The following NADSYN1 variants were observed in gnomAD, a reference collection of about 807,000 sequenced individuals.
NADSYN1 encodes the protein NAD synthetase 1.
NADSYN1 carries 80 observed loss-of-function variants against 99.3 expected under a neutral mutation model. That is an observed-to-expected ratio of 0.81 (90% CI 0.67 to 0.97). NADSYN1 has a LOEUF of 0.97. NADSYN1 is among the 50% of genes least tolerant of loss of function. The pLI, the probability that NADSYN1 is intolerant of heterozygous loss-of-function variation, is 0.00. For synonymous variants in NADSYN1, 385 were observed against 372.1 expected (o/e 1.03, Z -0.40); for missense variants, 859 against 948.5 (o/e 0.91, Z 1.24).
Position 71,475,619 on chromosome 11 carries a change from C to T in NADSYN1, c.798+1093C>T, listed in dbSNP as rs145115284. ...GCGCATTAGCACAGGGCAAGGCTTC[C>T]CAGGTAATCGTTATCGCCATGGAGG... is the stretch of plus-strand genomic sequence containing the variant. On this transcript the variant is annotated intron_variant, in intron 9 of 20. Coordinates refer to ENST00000319023, the MANE Select transcript of NADSYN1 (RefSeq NM_018161.5). 3.6e-3 allele frequency: 686 copies of T among 190,168 alleles called. 5 individuals carry two copies. The highest frequency in any genetic ancestry group is 6.0e-3 in the Non-Finnish European group (547 of 91,916). 11.8% of individuals were successfully genotyped at this position (190,168 alleles called of 1,614,324 possible).
intron 6 of NADSYN1, 58 bp from the exon 7 acceptor site, chr11:71,473,220 C>G (rs1453501168): frequency 2.0e-6 from 3 of 1,521,832 alleles, no homozygotes; most frequent in Non-Finnish European, 2.7e-6. Context: ...CTAGGTAGTG[C>G]GTGGCCCAGA....
intron 15 of NADSYN1, chr11:71,485,296 C>G (rs537628068): frequency 3.0e-5 from 10 of 338,752 alleles, no homozygotes; most frequent in Admixed American, 1.4e-4. Flanking sequence ...CTCTGCCCTC[C>G]CGGGCTCTGG....
At chr11:71,496,166 G>A (rs144734618) in intron 18 of NADSYN1, among the ~76,000 whole-genome samples, 51 of 152,240 alleles carry the variant, frequency 3.3e-4, no homozygotes, top group African/African-American at 1.1e-3. Context: ...TGTCACTAAT[G>A]ACCCAGTGGC....
chr11:71,475,507 C>T (rs140327193), intron 9 of NADSYN1: 1 of 153,514 alleles, frequency 6.5e-6, no homozygotes, highest in East Asian at 1.9e-4. Context: ...ACTGAGCTGC[C>T]GCTTGGAATG....
intron 2 of NADSYN1, among the ~76,000 whole-genome samples, chr11:71,456,316 G>C (rs1949514292): frequency 6.6e-6 from 1 of 152,184 alleles, no homozygotes; most frequent in South Asian, 2.1e-4. Flanking sequence ...TCTTTAATTT[G>C]TCTTCATTTG....
intron 2 of NADSYN1, among the ~76,000 whole-genome samples, chr11:71,455,735 A>C (rs1054303898): frequency 6.6e-6 from 1 of 152,222 alleles, no homozygotes; most frequent in Non-Finnish European, 1.5e-5. Context: ...ACTGTGAGCA[A>C]TACATTTCTG....
intron 5 of NADSYN1, among the ~76,000 whole-genome samples, chr11:71,468,273 A>G (rs971463209): frequency 1.3e-5 from 2 of 152,260 alleles, no homozygotes; most frequent in African/African-American, 2.4e-5. Context: ...AGGATTGGTG[A>G]AAAAGGATAT....
At position 71,497,463 on chromosome 11, in the gene NADSYN1, C is replaced by A. The variant is rs1373253541; in HGVS notation, c.1765-20C>A. Reference sequence around the variant, plus strand: ...GCTGTGACTTGCTGTCATCATGGAACAGATTTTTGTTGTGCACAGGAAGAT... The same window carrying A: ...GCTGTGACTTGCTGTCATCATGGAAAAGATTTTTGTTGTGCACAGGAAGAT... On this transcript the variant is annotated intron_variant, in intron 18 of 20. Coordinates refer to ENST00000319023, the MANE Select transcript of NADSYN1 (RefSeq NM_018161.5). The A allele has an allele frequency of 1.2e-6, 2 of 1,613,992 alleles. No homozygotes were observed. The highest frequency in any genetic ancestry group is 2.2e-5 in the South Asian group (2 of 91,068).
At chr11:71,500,843 C>A (rs993729644) in intron 20 of NADSYN1, among the ~76,000 whole-genome samples, 1 of 152,142 alleles carries the variant, frequency 6.6e-6, no homozygotes, top group African/African-American at 2.4e-5. Flanking sequence ...TCCCTGAGTC[C>A]CAGTGTCCCT....
At chr11:71,466,847 A>C (rs1949594606) in intron 5 of NADSYN1, 1 of 152,200 alleles carries the variant, frequency 6.6e-6, no homozygotes, top group Admixed American at 6.5e-5. Flanking sequence ...TACAGAATAC[A>C]TTGAGCCTAA....
chr11:71,456,045 C>T (rs1045646547), intron 2 of NADSYN1, among the ~76,000 whole-genome samples: 10 of 152,208 alleles, frequency 6.6e-5, no homozygotes, highest in African/African-American at 2.4e-4. Flanking sequence ...GCTAGTTTCC[C>T]GTTGGTCTTT....
intron 9 of NADSYN1, 154 bp downstream of exon 9, chr11:71,474,680 G>A (rs901838774): frequency 9.5e-6 from 9 of 951,324 alleles, no homozygotes; most frequent in South Asian, 5.4e-5. Context: ...TAAGCCGGGC[G>A]CTTAGTGAGG....
chr11:71,481,313 A>C, intron 11 of NADSYN1, 43 bp from the exon 12 acceptor site: 1 of 1,608,774 alleles, frequency 6.2e-7, no homozygotes, highest in Non-Finnish European at 8.5e-7. Flanking sequence ...TGCTGTGGGC[A>C]GGGGCCACCG....
At chr11:71,459,524 A>G (rs773261220) in intron 3 of NADSYN1, among the ~76,000 whole-genome samples, 9 of 151,180 alleles carry the variant, frequency 6.0e-5, no homozygotes, top group Admixed American at 2.0e-4. Flanking sequence ...CCGGCTCCCT[A>G]TGGAGGATGC....
intron 6 of NADSYN1, 34 bp from the exon 7 acceptor site, chr11:71,473,244 G>A (rs772316273): frequency 1.9e-5 from 31 of 1,599,034 alleles, no homozygotes; most frequent in Non-Finnish European, 2.5e-5. Context: ...GGCATGGCTA[G>A]TGAATCTCAT....
intron 2 of NADSYN1, among the ~76,000 whole-genome samples, chr11:71,456,193 C>A (rs1424860335): frequency 6.6e-6 from 1 of 152,242 alleles, no homozygotes; most frequent in Non-Finnish European, 1.5e-5. Flanking sequence ...CCAGAGGCAT[C>A]TTTCTCTAAG....
At chr11:71,458,327 C>T (rs370305401) in intron 2 of NADSYN1, 101 bp from the exon 3 acceptor site, 20 of 839,082 alleles carry the variant, frequency 2.4e-5, no homozygotes, top group East Asian at 9.8e-5. Context: ...ACACCTGAGC[C>T]CCGGCCCCCA....
rs1565610120 is a variant in NADSYN1 at position 71,501,311 on chromosome 11, C to T, written c.2080C>T (p.Leu694Phe). The part of the protein sequence containing the change: ...FRCIENQVLQ[L>F]ERAEPQSLDG... ...AGGCCTCTCTTTCCAGGTGCTACAG[C>T]TCGAGAGGGCAGAGCCACAGTCCCT... The change falls in exon 21 of 21, where the codon CTC becomes TTC. Residue 694 changes from leucine to phenylalanine, a missense_variant. By Grantham distance (22) the Leu-to-Phe change is conservative. Coordinates refer to ENST00000319023, the MANE Select transcript of NADSYN1 (RefSeq NM_018161.5). 1 of 1,597,928 alleles carries T rather than the reference C, an allele frequency of 6.3e-7. No individual in the cohort carries two copies.
At chr11:71,456,719 C>T (rs4944956) in intron 2 of NADSYN1, among the ~76,000 whole-genome samples, 88,773 of 152,156 alleles carry the variant, frequency 0.58, 28,077 homozygotes, top group Non-Finnish European at 0.74. Context: ...TAAAGGCCCC[C>T]GGGATGGAAT....
Sources: gnomAD v4.1 joint callset for allele counts (sites outside exome capture counted in the v4.1 genomes callset) on GRCh38, gnomAD v4.1.1 for gene constraint, MANE v1.5 for transcripts, NCBI Gene and HGNC (gene_info 2026-07-23, HGNC 2026-07-21) for gene names.